The following FSHR variants were observed in gnomAD, a reference collection of about 807,000 sequenced individuals.
The protein encoded by FSHR is follicle stimulating hormone receptor, also known as follicle-stimulating hormone receptor.
In FSHR, 46 loss-of-function variants were observed where a neutral mutation model predicts 52.1. The ratio of observed to expected loss-of-function variants is 0.88; its 90% CI spans 0.70 to 1.13. The LOEUF (loss-of-function observed/expected upper bound fraction) is 1.13. Among genes scored for constraint, FSHR ranks in the 50% most tolerant of loss-of-function variants. The pLI is 0.00. For missense variants in FSHR, 964 were observed against 834.6 expected, an observed-to-expected ratio of 1.16 and a Z score of -1.91; for synonymous variants, 399 against 309.6, an observed-to-expected ratio of 1.29 and a Z score of -3.03.
rs1415271420 is a variant in FSHR, at chr2:49,010,057, A to C, written c.374+7432T>G. ...TTAATTGCCCTGGCCAGAACTTCCA[A>C]CACTATGTTGAATAGGACCGGTGAG... On this transcript the variant is annotated intron_variant, in intron 4 of 9. Coordinates refer to ENST00000406846, the MANE Select transcript of FSHR (RefSeq NM_000145.4). Among the ~76,000 whole-genome samples the C allele has an allele frequency of 4.8e-5, 4 of 83,268 alleles. 1 individual carries two copies. The highest frequency in any genetic ancestry group is 1.3e-4 in the Non-Finnish European group (4 of 30,928). The allele number at this position is 83,268 out of a possible 152,430, so 54.6% of individuals were successfully genotyped here. A position where few individuals can be genotyped will look rare whatever the true frequency, so the allele number is the denominator to read the frequency against.
chr2:49,070,452 C>T (rs557912360), intron 1 of FSHR, among the ~76,000 whole-genome samples: 4 of 152,034 alleles, frequency 2.6e-5, no homozygotes, highest in Admixed American at 6.6e-5. Context: ...CCTTTTGTTC[C>T]TATTTAACAC....
At chr2:49,080,857 A>G (rs1220242162) in intron 1 of FSHR, among the ~76,000 whole-genome samples, 1 of 152,074 alleles carries the variant, frequency 6.6e-6, no homozygotes, top group Non-Finnish European at 1.5e-5. Flanking sequence ...TCTCCTTTAC[A>G]GGGTTCTTAA....
intron 4 of FSHR, among the ~76,000 whole-genome samples, 163 bp from the exon 5 acceptor site, chr2:48,990,800 G>T (rs567725056): frequency 1.3e-5 from 2 of 152,022 alleles, no homozygotes; most frequent in African/African-American, 4.8e-5. Flanking sequence ...TCTATTTTAA[G>T]GTTCGTTCCA....
chr2:48,966,225 G>C (rs1357651588), intron 9 of FSHR, among the ~76,000 whole-genome samples: 4 of 152,188 alleles, frequency 2.6e-5, no homozygotes, highest in African/African-American at 9.7e-5. Flanking sequence ...ACAAATGATG[G>C]TGGTTACTTA....
intron 1 of FSHR, among the ~76,000 whole-genome samples, chr2:49,143,722 C>T (rs1672773265): frequency 6.6e-6 from 1 of 152,070 alleles, no homozygotes; most frequent in Admixed American, 6.6e-5. Flanking sequence ...CTGACAGCAT[C>T]CCAGAAAGCT....
intron 2 of FSHR, among the ~76,000 whole-genome samples, chr2:49,027,875 G>A (rs1667963775): frequency 6.7e-6 from 1 of 149,392 alleles, no homozygotes; most frequent in African/African-American, 2.5e-5. Context: ...AAAAAAAAGA[G>A]TGAAGGAAGG....
intron 1 of FSHR, among the ~76,000 whole-genome samples, chr2:49,093,915 A>G (rs1227218121): frequency 2.1e-5 from 3 of 143,164 alleles, no homozygotes; most frequent in Admixed American, 1.4e-4. Flanking sequence ...CTAAAACATT[A>G]TATTTAAAAT....
intron 8 of FSHR, among the ~76,000 whole-genome samples, chr2:48,977,095 A>G (rs1029752963): frequency 4.0e-5 from 6 of 150,708 alleles, no homozygotes; most frequent in African/African-American, 1.2e-4. Flanking sequence ...AGAACTTAAA[A>G]TATAATAATA....
intron 2 of FSHR, among the ~76,000 whole-genome samples, chr2:49,038,619 T>A (rs1179164599): frequency 1.1e-5 from 1 of 88,898 alleles, no homozygotes; most frequent in South Asian, 3.9e-4. Context: ...AGCAAGACTC[T>A]GTCTCAAAAT....
At chr2:49,140,773 G>A (rs1672657186) in intron 1 of FSHR, among the ~76,000 whole-genome samples, 1 of 151,946 alleles carries the variant, frequency 6.6e-6, no homozygotes, top group Admixed American at 6.6e-5. Context: ...AAGGCTATGA[G>A]GTCATGATAG....
chr2:49,065,791 C>T (rs887807761), intron 2 of FSHR, among the ~76,000 whole-genome samples: 71 of 151,890 alleles, frequency 4.7e-4, no homozygotes, highest in African/African-American at 1.5e-3. Context: ...CCCTAGAATA[C>T]CTAAATTTTT....
intron 9 of FSHR, among the ~76,000 whole-genome samples, chr2:48,964,302 C>G (rs1338915468): frequency 6.6e-6 from 1 of 152,168 alleles, no homozygotes; most frequent in Admixed American, 6.5e-5. Context: ...TTTTCCTTCT[C>G]CCATCTTGAT....
chr2:49,113,361 C>T (rs1481912220), intron 1 of FSHR, among the ~76,000 whole-genome samples: 2 of 152,166 alleles, frequency 1.3e-5, no homozygotes, highest in Non-Finnish European at 2.9e-5. Flanking sequence ...CCTAAAAAAG[C>T]TAAATTCTAA....
chr2:49,146,316 G>C (rs1672866922), intron 1 of FSHR, among the ~76,000 whole-genome samples: 1 of 152,056 alleles, frequency 6.6e-6, no homozygotes, highest in Admixed American at 6.6e-5. Context: ...ACTTCAGAAA[G>C]TCTAGTGCTC....
chr2:49,097,797 A>G (rs1670881068), intron 1 of FSHR, among the ~76,000 whole-genome samples: 1 of 152,210 alleles, frequency 6.6e-6, no homozygotes. Context: ...TTAAATTTTA[A>G]TTGATAAACT....
At chr2:49,078,172 A>T (rs1283119106) in intron 1 of FSHR, among the ~76,000 whole-genome samples, 1 of 152,236 alleles carries the variant, frequency 6.6e-6, no homozygotes, top group African/African-American at 2.4e-5. Flanking sequence ...TTACAGTTCC[A>T]TGTGGCTGAG....
At chr2:49,149,589 A>G (rs901255966) in intron 1 of FSHR, among the ~76,000 whole-genome samples, 1 of 152,052 alleles carries the variant, frequency 6.6e-6, no homozygotes, top group Non-Finnish European at 1.5e-5. Context: ...TTTCACTCTT[A>G]AGACATCACA....
At chr2:49,033,459 A>G (rs1259007049) in intron 2 of FSHR, among the ~76,000 whole-genome samples, 6 of 152,238 alleles carry the variant, frequency 3.9e-5, no homozygotes, top group African/African-American at 9.6e-5. Flanking sequence ...AAAATCACCA[A>G]TTTGAAAGTG....
chr2:49,057,620 A>T (rs999876397), intron 2 of FSHR, among the ~76,000 whole-genome samples: 1 of 152,184 alleles, frequency 6.6e-6, no homozygotes, highest in Non-Finnish European at 1.5e-5. Context: ...ATTAATACCA[A>T]TTCTTCTCAA....
Sources: gnomAD v4.1 joint callset for allele counts (sites outside exome capture counted in the v4.1 genomes callset) on GRCh38, gnomAD v4.1.1 for gene constraint, MANE v1.5 for transcripts, NCBI Gene and HGNC (gene_info 2026-07-23, HGNC 2026-07-21) for gene names.